The following TTN variants were observed in gnomAD, a reference collection of about 807,000 sequenced individuals.
TTN encodes titin.
Under a neutral mutation model 3,223.0 loss-of-function variants are expected in TTN, and 1,525 were observed. The observed-to-expected ratio is 0.47, with a 90% CI of 0.45 to 0.49. The LOEUF (loss-of-function observed/expected upper bound fraction) is 0.49, where lower values mean the gene tolerates loss of function less well. Ranked by LOEUF, TTN falls within the 20% of genes least tolerant of loss-of-function variation. The probability of loss-of-function intolerance (pLI) is 0.00; values close to 1 mark genes in which losing one functional copy is unlikely to be tolerated. For synonymous variants in TTN, 14,094 were observed against 15,161.0 expected (o/e 0.93, Z 5.17); for missense variants, 40,786 against 43,424.0 (o/e 0.94, Z 5.40).
chr2:178,546,377 C>CT lies in TTN; in HGVS notation c.94953dup (p.Gly31652ArgfsTer9). ...TCACAGAGATCTAGCTCCTTGTCTC[C>CT]TTTGGTCCAGATAATTTTGGGTTCA... On this transcript the variant is annotated frameshift_variant, in exon 342 of 363. Coordinates refer to ENST00000589042, the MANE Select transcript of TTN (RefSeq NM_001267550.2). LOFTEE classifies it high-confidence loss of function. 6.2e-7 allele frequency: 1 copy of CT among 1,613,746 alleles called. No individual in the cohort carries two copies. Among genetic ancestry groups the CT allele is most frequent in the Non-Finnish European group, 8.5e-7 (1 of 1,179,748 alleles).
At chr2:178,783,148 C>A in intron 17 of TTN, 84 bp from the exon 18 acceptor site, 1 of 1,516,862 alleles carries the variant, frequency 6.6e-7, no homozygotes, top group Middle Eastern at 1.7e-4. Context: ...AGAGTTTGAA[C>A]TTATGCATTT....
rs914052609 is a variant in TTN at position 178,673,529 on chromosome 2, A to G, written c.34786+104T>C. ...ATTTTTACTGGTCCTTAATCAGTTCACTATCTAAATGATTATAAGAAGGCA... is the reference window on the plus strand; with the variant it reads ...ATTTTTACTGGTCCTTAATCAGTTCGCTATCTAAATGATTATAAGAAGGCA... On this transcript the variant is annotated intron_variant, in intron 152 of 362. Transcript: ENST00000589042. 4.0e-6 allele frequency: 3 copies of G among 744,932 alleles called. No homozygotes were observed. The African/African-American group carries it at 5.5e-5, about 14-fold the overall frequency. The allele number at this position is 744,932 out of a possible 1,614,324, so 46.1% of individuals were successfully genotyped here.
Position 178,552,643 on chromosome 2 carries a change from C to T in TTN, c.90257G>A (p.Cys30086Tyr), listed in dbSNP as rs1699883953. ...TWSHAGISKT[C>Y]EIEVSQLKEQ... ...CTTAAGTTGGCTAACCTCAATTTCA[C>T]ATGTCTTACTTATGCCAGCGTGGGA... Residue 30086 changes from cysteine to tyrosine, a missense_variant, in exon 335 of 363, where the codon TGT (cysteine) becomes TAT (tyrosine). Physicochemically the swap from Cys to Tyr is radical, Grantham distance 194. Transcript: ENST00000589042. 3 of 1,613,978 alleles carry T rather than the reference C, an allele frequency of 1.9e-6. No individual in the cohort carries two copies. Among genetic ancestry groups the T allele is most frequent in the Non-Finnish European group, 2.5e-6 (3 of 1,179,864 alleles).
At chr2:178,792,993 G>A (rs566223515) in intron 9 of TTN, among the ~76,000 whole-genome samples, 17 of 152,160 alleles carry the variant, frequency 1.1e-4, no homozygotes, top group Non-Finnish European at 2.2e-4. Context: ...AATGTCTTCC[G>A]AAGGAGCCAG....
At chr2:178,628,954 C>T (rs950385502) in intron 240 of TTN, among the ~76,000 whole-genome samples, 2 of 152,090 alleles carry the variant, frequency 1.3e-5, no homozygotes, top group African/African-American at 2.4e-5. Context: ...TTAATGTGCA[C>T]CATGGCTGCA....
rs770901672 is a variant in TTN, at chr2:178,571,617, T to C, written c.74515A>G (p.Ser24839Gly). ...SWGPPKYDGG[S>G]SINNYIVEKR... Reference sequence around the variant, plus strand: ...TCAACAATGTAATTATTGATAGAACTTCCACCATCATACTTGGGTGGGCCC... The same window carrying C: ...TCAACAATGTAATTATTGATAGAACCTCCACCATCATACTTGGGTGGGCCC... Residue 24839 changes from serine to glycine, a missense_variant, in exon 326 of 363, where the codon AGT becomes GGT. Coordinates refer to ENST00000589042, the MANE Select transcript of TTN (RefSeq NM_001267550.2). 2 of 1,613,204 alleles carry C rather than the reference T, an allele frequency of 1.2e-6. No homozygotes were observed. The highest frequency in any genetic ancestry group is 2.7e-5 in the African/African-American group (2 of 74,900).
Position 178,589,509 on chromosome 2 carries a change from T to A in TTN, c.62216A>T (p.Tyr20739Phe), listed in dbSNP as rs751502535. Residue 20739 changes from tyrosine to phenylalanine, a missense_variant, in exon 304 of 363, where the codon TAT becomes TTT. Transcript: ENST00000589042. Reference protein sequence around the residue: ...MVDRCVENQIYEFRVQTKNEG... With the variant: ...MVDRCVENQIFEFRVQTKNEG... ...ATTCTTTGTTTGCACTCTGAACTCA[T>A]AAATCTGGTTTTCAACACATCTGTC... is the stretch of plus-strand genomic sequence containing the variant. 1.2e-6 allele frequency: 2 copies of A among 1,613,410 alleles called. No homozygotes were observed. Among genetic ancestry groups the A allele is most frequent in the Non-Finnish European group, 8.5e-7 (1 of 1,179,626 alleles).
chr2:178,799,792 A>G, intron 5 of TTN, 33 bp downstream of exon 5: 2 of 1,614,234 alleles, frequency 1.2e-6, no homozygotes, highest in Non-Finnish European at 1.7e-6. Context: ...CAACAGCCTG[A>G]AAGGCTTGAA....
Position 178,704,576 on chromosome 2 carries a change from T to C in TTN, c.29896A>G (p.Lys9966Glu), listed in dbSNP as rs1222395628. The C allele has an allele frequency of 6.2e-7, 1 of 1,613,632 alleles. No individual in the cohort carries two copies. Among genetic ancestry groups the C allele is most frequent in the Non-Finnish European group, 8.5e-7 (1 of 1,179,662 alleles). The change falls in exon 105 of 363, where the codon AAA (lysine) becomes GAA (glutamate). Residue 9966 changes from lysine (K) to glutamate (E), a missense_variant. Lys to Glu is a moderately conservative substitution (Grantham distance 56). Transcript: ENST00000589042. ...ACCAATCGATAATTGCCCTGGTCTT[T>C]AAGTTGACAGTTTTTGACTCTGAGT... ...HTLRVKNCQL[K>E]DQGNYRLVCG...
rs760959263 is a variant in TTN, at chr2:178,775,360, G to C, written c.6504C>G (p.Val2168=). Residue 2168 remains valine (V), a synonymous_variant, in exon 28 of 363, where the codon GTC becomes GTG. Transcript: ENST00000589042. The stretch of plus-strand genomic sequence containing the variant: ...AAGGAAAGACATGCAAATTACCTTG[G>C]ACAAGTAAGAATGCGTGACTGGAGG... ...GETSSHAFLL[V]QAKQLITFTQ... is the part of the protein sequence containing the mutation. 17 of 1,613,808 alleles carry C rather than the reference G, an allele frequency of 1.1e-5. No individual in the cohort carries two copies. The highest frequency in any genetic ancestry group is 1.7e-5 in the Admixed American group (1 of 59,982).
chr2:178,684,810 C>T (rs371304222), intron 130 of TTN, 61 bp from the exon 131 acceptor site: 12 of 1,561,522 alleles, frequency 7.7e-6, no homozygotes, highest in Non-Finnish European at 1.0e-5. Flanking sequence ...AACACAGGCA[C>T]ACTTATTTTC....
Position 178,753,157 on chromosome 2 carries a change from T to C in TTN, c.11278A>G (p.Arg3760Gly). ...TCCATCTCAATCTCTTGTTCAATCC[T>C]CTCATGCAAAATTGATTCAGGAGCT... is the stretch of plus-strand genomic sequence containing the variant. ...EGAPESILHE[R>G]IEQEIEMEMK... The change falls in exon 47 of 363, where the codon AGG becomes GGG. Residue 3760 changes from arginine to glycine, a missense_variant. Transcript: ENST00000589042. 6.2e-7 allele frequency: 1 copy of C among 1,609,374 alleles called. No homozygotes were observed. The highest frequency in any genetic ancestry group is 2.2e-5 in the East Asian group (1 of 44,572).
Position 178,551,074 on chromosome 2 carries a change from A to T in TTN, c.91457T>A (p.Leu30486His). 1 of 1,613,440 alleles carries T rather than the reference A, an allele frequency of 6.2e-7. No individual in the cohort carries two copies. Among genetic ancestry groups the T allele is most frequent in the Non-Finnish European group, 8.5e-7 (1 of 1,179,636 alleles). The change falls in exon 336 of 363, where the codon CTC becomes CAC. Residue 30486 changes from leucine (L) to histidine (H), a missense_variant. Leu to His is a moderately conservative substitution (Grantham distance 99). Coordinates refer to ENST00000589042, the MANE Select transcript of TTN (RefSeq NM_001267550.2). ...GAACTCATAGCGATCCCCAGGACTG[A>T]GTCCTGTAACTGTGTACTGACATTC... ...VSECQYTVTG[L>H]SPGDRYEFRI...
Position 178,775,441 on chromosome 2 carries a change from C to T in TTN, c.6423G>A (p.Val2141=), listed in dbSNP as rs768989325. The change falls in exon 28 of 363, where the codon GTG becomes GTA. Residue 2141 remains valine, a synonymous_variant. Transcript: ENST00000589042. ...DNVCELVIRD[V]TAEDSASIMV... ...TGATGCTGGCAGAGTCCTCAGCAGT[C>T]ACATCTCTTATGACCAATTCACAAA... 2.5e-5 allele frequency: 41 copies of T among 1,613,878 alleles called. No homozygotes were observed. In the Admixed American group the frequency reaches 3.3e-4, roughly 13 times the overall value.
Position 178,567,590 on chromosome 2 carries a change from G to A in TTN, c.78542C>T (p.Pro26181Leu), listed in dbSNP as rs1467251247. ...AISKPSDSTGPITAKDEVELP... is the reference protein window; with the variant it reads ...AISKPSDSTGLITAKDEVELP... Reference sequence around the variant, plus strand: ...TTCAACCTCATCCTTGGCAGTTATTGGTCCAGTACTGTCAGAGGGTTTACT... The same window carrying A: ...TTCAACCTCATCCTTGGCAGTTATTAGTCCAGTACTGTCAGAGGGTTTACT... The change falls in exon 326 of 363, where the codon CCA becomes CTA. Residue 26181 changes from proline (P) to leucine (L), a missense_variant. Pro to Leu is a moderately conservative substitution (Grantham distance 98). Coordinates refer to ENST00000589042, the MANE Select transcript of TTN (RefSeq NM_001267550.2). 1 of 1,609,062 alleles carries A rather than the reference G, an allele frequency of 6.2e-7. No homozygotes were observed. The highest frequency in any genetic ancestry group is 8.5e-7 in the Non-Finnish European group (1 of 1,176,838).
At chr2:178,800,063 T>C (rs1193947369) in intron 4 of TTN, among the ~76,000 whole-genome samples, 153 bp from the exon 5 acceptor site, 1 of 152,216 alleles carries the variant, frequency 6.6e-6, no homozygotes, top group Non-Finnish European at 1.5e-5. Context: ...GAATATAAAT[T>C]AGGTTTAAAA....
chr2:178,528,486 A>G (rs1687538075), intron 360 of TTN, 42 bp downstream of exon 360: 1 of 1,597,122 alleles, frequency 6.3e-7, no homozygotes, highest in African/African-American at 1.4e-5. Context: ...AAGACATGGT[A>G]TTTTAGTTTT....
chr2:178,713,791 C>T (rs1199853317), intron 92 of TTN, 106 bp downstream of exon 92: 25 of 1,380,676 alleles, frequency 1.8e-5, no homozygotes, highest in Admixed American at 2.6e-5. Flanking sequence ...CAGAAGATGT[C>T]GGACTCATGT....
intron 152 of TTN, among the ~76,000 whole-genome samples, chr2:178,673,013 T>G (rs530936450): frequency 6.6e-6 from 1 of 151,902 alleles, no homozygotes; most frequent in South Asian, 2.1e-4. Flanking sequence ...TTGAAGTGAT[T>G]ACCATTGTAG....
Sources: allele counts gnomAD v4.1 joint callset (sites outside exome capture counted in the v4.1 genomes callset), GRCh38; gene constraint gnomAD v4.1.1; transcripts MANE v1.5; gene names NCBI Gene and HGNC (gene_info 2026-07-23, HGNC 2026-07-21).